The following ADNP variants were observed in gnomAD, a reference collection of about 807,000 sequenced individuals.
ADNP encodes activity dependent neuroprotector homeobox.
ADNP carries 4 observed loss-of-function variants against 84.9 expected under a neutral mutation model. The observed-to-expected ratio is 0.05, with a 90% CI of 0.02 to 0.11. The LOEUF is 0.11. Among genes scored for constraint, ADNP ranks in the 10% least tolerant of loss-of-function variants. The probability of loss-of-function intolerance (pLI) is 1.00; values close to 1 mark genes in which losing one functional copy is unlikely to be tolerated. For missense variants in ADNP, 1,132 were observed against 1,326.0 expected (o/e 0.85, Z 2.27); for synonymous variants, 554 against 468.1 (o/e 1.18, Z -2.37).
chr20:50,891,445 C>A lies in ADNP; in HGVS notation c.3269G>T (p.Gly1090Val). The A allele has an allele frequency of 6.2e-7, 1 of 1,612,184 alleles. No homozygotes were observed. Among genetic ancestry groups the A allele is most frequent in the Non-Finnish European group, 8.5e-7 (1 of 1,179,694 alleles). Residue 1090 changes from glycine to valine, a missense_variant, in exon 6 of 6, where the codon GGC becomes GTC. Gly to Val is a moderately radical substitution (Grantham distance 109). Transcript: ENST00000621696. Reference sequence around the variant, plus strand: ...GCTCAGTTTAACTCCGGCTAAGCTGCCATGCATGGGCTCAGCTACTCCATC... The same window carrying A: ...GCTCAGTTTAACTCCGGCTAAGCTGACATGCATGGGCTCAGCTACTCCATC... ...MTDGVAEPMH[G>V]SLAGVKLSSQ...
At chr20:50,909,209 A>G (rs942643288) in intron 2 of ADNP, among the ~76,000 whole-genome samples, 23 of 151,908 alleles carry the variant, frequency 1.5e-4, no homozygotes, top group African/African-American at 5.3e-4. Flanking sequence ...TGCTAAAAAT[A>G]CAAAATTAGC....
intron 5 of ADNP, among the ~76,000 whole-genome samples, 170 bp downstream of exon 5, chr20:50,901,846 CA>C (rs1338376640): frequency 1.3e-5 from 2 of 152,130 alleles, no homozygotes; most frequent in Admixed American, 6.5e-5. Context: ...CAAAAAAGGA[CA>C]AAAAGTTTTT....
intron 2 of ADNP, among the ~76,000 whole-genome samples, chr20:50,908,764 ACT>A (rs1363564186): frequency 1.3e-5 from 2 of 151,484 alleles, no homozygotes; most frequent in Non-Finnish European, 2.9e-5. Flanking sequence ...ACAGAGTGAG[ACT>A]CTGTCTGCAA....
Position 50,890,125 on chromosome 20 carries a change from T to C in ADNP, c.*1280A>G, listed in dbSNP as rs1349625308. 7.7e-6 allele frequency: 2 copies of C among 259,192 alleles called. No individual in the cohort carries two copies. Among genetic ancestry groups the C allele is most frequent in the Non-Finnish European group, 1.4e-5 (2 of 145,496 alleles). The allele number at this position is 259,192 out of a possible 1,614,324, so 16.1% of individuals were successfully genotyped here. The stretch of plus-strand genomic sequence containing the variant: ...CTGAAAAACTCAAGGGTGTTTGTTT[T>C]TCAGTTAAAAAAAAAAAAAAAAAAA... On this transcript the variant is annotated 3_prime_UTR_variant, in exon 6 of 6. Coordinates refer to ENST00000621696, the MANE Select transcript of ADNP (RefSeq NM_001282531.3).
intron 2 of ADNP, among the ~76,000 whole-genome samples, chr20:50,922,814 C>T (rs1984045165): frequency 6.6e-6 from 1 of 152,066 alleles, no homozygotes; most frequent in Admixed American, 6.5e-5. Flanking sequence ...AACTCCTAAA[C>T]TTGTGATTTG....
rs1338911838 is a variant in ADNP at position 50,891,105 on chromosome 20, G to C, written c.*300C>G. ...GACATCTGACCAATCATTTCACAGA[G>C]GGAAAGAAATGTTGAAAAGGCAGAT... is the stretch of plus-strand genomic sequence containing the variant. On this transcript the variant is annotated 3_prime_UTR_variant, in exon 6 of 6. Coordinates refer to ENST00000621696, the MANE Select transcript of ADNP (RefSeq NM_001282531.3). 8.6e-7 allele frequency: 1 copy of C among 1,167,584 alleles called. No individual in the cohort carries two copies. 72.3% of individuals were successfully genotyped at this position (1,167,584 alleles called of 1,614,324 possible). A position where few individuals can be genotyped will look rare whatever the true frequency, so the allele number is the denominator to read the frequency against.
At chr20:50,904,088 C>T in intron 3 of ADNP, 87 bp from the exon 4 acceptor site, 1 of 1,023,544 alleles carries the variant, frequency 9.8e-7, no homozygotes, top group Non-Finnish European at 1.5e-6. Flanking sequence ...ATCATAAAAC[C>T]TACCCATCTG....
chr20:50,898,322 C>A (rs1164783091), intron 5 of ADNP, among the ~76,000 whole-genome samples: 1 of 152,172 alleles, frequency 6.6e-6, no homozygotes, highest in African/African-American at 2.4e-5. Context: ...TTCAACATCA[C>A]AGCCAGGTCC....
intron 2 of ADNP, among the ~76,000 whole-genome samples, chr20:50,922,578 G>GTTTTTT (rs58775431): frequency 1.6e-5 from 2 of 125,466 alleles, no homozygotes; most frequent in South Asian, 2.7e-4. Flanking sequence ...GTCCTCCTGC[G>GTTTTTT]TTTTTTTTTT....
chr20:50,912,846 A>G (rs980521250), intron 2 of ADNP, among the ~76,000 whole-genome samples: 6 of 150,378 alleles, frequency 4.0e-5, no homozygotes, highest in African/African-American at 1.2e-4. Flanking sequence ...TTTCTACCCT[A>G]AAGTTGTAAA....
At chr20:50,927,513 T>C (rs114946063) in intron 2 of ADNP, among the ~76,000 whole-genome samples, 3,043 of 152,256 alleles carry the variant, frequency 0.02, 112 homozygotes, top group African/African-American at 0.069. Context: ...TAATGAAGTA[T>C]ATAGTTTACC....
At chr20:50,900,752 AT>A in intron 5 of ADNP, among the ~76,000 whole-genome samples, 1 of 152,184 alleles carries the variant, frequency 6.6e-6, no homozygotes, top group Non-Finnish European at 1.5e-5. Flanking sequence ...TTATGGATAA[AT>A]TTTCATAGAA....
At chr20:50,894,678 C>G (rs966469993) in intron 5 of ADNP, among the ~76,000 whole-genome samples, 166 bp from the exon 6 acceptor site, 5 of 152,040 alleles carry the variant, frequency 3.3e-5, no homozygotes, top group Admixed American at 6.6e-5. Context: ...GTGGATCACC[C>G]AAGGTCAGGA....
In ADNP at chr20:50,891,777, T is replaced by C; in HGVS notation, c.2937A>G (p.Gln979=). The change falls in exon 6 of 6, where the codon CAA becomes CAG. Residue 979 remains glutamine, a synonymous_variant. Transcript: ENST00000621696. ...TATTGTCCTCAAAGTCTGACACTTG[T>C]TGGGATCCAGGCCCACTCTCAGATG... ...ASPSESGPGS[Q]QVSDFEDNTC... 6.2e-7 allele frequency: 1 copy of C among 1,614,224 alleles called. No homozygotes were observed. Among genetic ancestry groups the C allele is most frequent in the South Asian group, 1.1e-5 (1 of 91,084 alleles).
chr20:50,916,709 T>C (rs1183851511), intron 2 of ADNP, among the ~76,000 whole-genome samples: 1 of 152,168 alleles, frequency 6.6e-6, no homozygotes, highest in South Asian at 2.1e-4. Context: ...ACATAAAAAA[T>C]ATTTTTAAAA....
Position 50,891,619 on chromosome 20 carries a change from G to C in ADNP, c.3095C>G (p.Ser1032Cys), listed in dbSNP as rs559915015. 34 of 1,613,962 alleles carry C rather than the reference G, an allele frequency of 2.1e-5. No individual in the cohort carries two copies. In the East Asian group the frequency reaches 7.6e-4, roughly 36 times the overall value. Residue 1032 changes from serine (S) to cysteine (C), a missense_variant, in exon 6 of 6, where the codon TCC becomes TGC. Physicochemically the swap from Ser to Cys is moderately radical, Grantham distance 112 (BLOSUM62 -1). Around this residue, in one of 10 missense-constraint regions of ADNP, gnomAD observed 381 missense variants for 319.9 expected, o/e 1.19. Coordinates refer to ENST00000621696, the MANE Select transcript of ADNP (RefSeq NM_001282531.3). The part of the protein sequence containing the change: ...DREQLKWKNS[S>C]YGKVEGFWSK... ...CCAAAACCCTTCAACTTTTCCATAG[G>C]AACTATTCTTCCATTTCAACTGCTC...
intron 2 of ADNP, among the ~76,000 whole-genome samples, chr20:50,918,723 TA>T (rs1274751086): frequency 6.6e-6 from 1 of 152,232 alleles, no homozygotes; most frequent in Non-Finnish European, 1.5e-5. Flanking sequence ...TCCCATGTGT[TA>T]AAATTTCAAA....
At chr20:50,928,343 T>C (rs1163101259) in intron 2 of ADNP, among the ~76,000 whole-genome samples, 2 of 152,186 alleles carry the variant, frequency 1.3e-5, no homozygotes, top group Non-Finnish European at 2.9e-5. Context: ...TTTTAGAAGC[T>C]TAGCAACTCT....
intron 2 of ADNP, among the ~76,000 whole-genome samples, chr20:50,926,015 A>C (rs1393721061): frequency 6.6e-6 from 1 of 152,072 alleles, no homozygotes; most frequent in Non-Finnish European, 1.5e-5. Flanking sequence ...CAGGAAAATC[A>C]CTCGAACCCG....
Sources: gnomAD v4.1 joint callset for allele counts (sites outside exome capture counted in the v4.1 genomes callset) on GRCh38, gnomAD v4.1.1 for gene constraint, gnomAD v4.1.1 regional missense constraint, MANE v1.5 for transcripts, NCBI Gene and HGNC (gene_info 2026-07-23, HGNC 2026-07-21) for gene names.